Variants in TRPC6 observed in about 807,000 individuals in gnomAD.
The protein encoded by TRPC6 is transient receptor potential cation channel subfamily C member 6.
In TRPC6, 55 loss-of-function variants were observed where a neutral mutation model predicts 90.7. The ratio of observed to expected loss-of-function variants is 0.61; its 90% CI spans 0.49 to 0.76. TRPC6 has a LOEUF of 0.76. Among genes scored for constraint, TRPC6 ranks in the 30% least tolerant of loss-of-function variants. The pLI is 0.00. For missense variants in TRPC6, 989 were observed against 1,122.7 expected (o/e 0.88, Z 1.70); for synonymous variants, 393 against 393.0 (o/e 1.00, Z 0.00).
At chr11:101,453,848 A>G in intron 11 of TRPC6, 123 bp from the exon 12 acceptor site, 1 of 906,980 alleles carries the variant, frequency 1.1e-6, no homozygotes, top group South Asian at 1.4e-5. Flanking sequence ...GCTGTCAAGG[A>G]CTAAGATGAT....
At chr11:101,577,740 C>G (rs2136899970) in intron 1 of TRPC6, among the ~76,000 whole-genome samples, 1 of 152,226 alleles carries the variant, frequency 6.6e-6, no homozygotes, top group African/African-American at 2.4e-5. Flanking sequence ...GCAGTTATAG[C>G]CAGCCAGGAG....
intron 2 of TRPC6, among the ~76,000 whole-genome samples, chr11:101,492,616 G>C (rs1323332530): frequency 6.6e-6 from 1 of 152,016 alleles, no homozygotes; most frequent in Admixed American, 6.6e-5. Context: ...AAACTCACCT[G>C]TTGATTCGGA....
At chr11:101,527,678 A>G (rs1362288331) in intron 1 of TRPC6, among the ~76,000 whole-genome samples, 2 of 152,220 alleles carry the variant, frequency 1.3e-5, no homozygotes, top group Non-Finnish European at 2.9e-5. Flanking sequence ...ATTTGCAGAA[A>G]GACATTTTAA....
Position 101,521,865 on chromosome 11 carries a change from C to T in TRPC6, c.171-17067G>A, listed in dbSNP as rs529900794. On this transcript the variant is annotated intron_variant, in intron 1 of 12. Coordinates refer to ENST00000344327, the MANE Select transcript of TRPC6 (RefSeq NM_004621.6). Reference sequence around the variant, plus strand: ...TTTCAGACTTGTACAGGGCCTGTAACTCCTCCCTTTGGCTGATTTCTCCCC... The same window carrying T: ...TTTCAGACTTGTACAGGGCCTGTAATTCCTCCCTTTGGCTGATTTCTCCCC... Among the ~76,000 whole-genome samples the T allele has an allele frequency of 2.6e-5, 4 of 152,328 alleles. No individual in the cohort carries two copies. In the South Asian group the frequency reaches 8.3e-4, roughly 32 times the overall value.
At chr11:101,573,921 CGTGTGTGTGTGTGTGTGTGT>C (rs58766729) in intron 1 of TRPC6, among the ~76,000 whole-genome samples, 2 of 131,976 alleles carry the variant, frequency 1.5e-5, no homozygotes, top group African/African-American at 5.8e-5. Context: ...GAAACAAATA[CGTGTGTGTGTGTGTGTGTGT>C]GTGTGTGTGT....
rs1860196668 is a variant in TRPC6, at chr11:101,504,127, G to GCCAGGCCTTTATAGGCATT, written c.823_841dup (p.Ala281GlufsTer4). On this transcript the variant is annotated stop_gained and frameshift_variant, in exon 2 of 13. Transcript: ENST00000344327. LOFTEE classifies it high-confidence loss of function. ...AGACAATGACAGGTAAGCCGGACTT[G>GCCAGGCCTTTATAGGCATT]CCAGGCCTTTATAGGCATTAATCCT... 1 of 1,613,984 alleles carries GCCAGGCCTTTATAGGCATT rather than the reference G, an allele frequency of 6.2e-7. No homozygotes were observed. The highest frequency in any genetic ancestry group is 1.3e-5 in the African/African-American group (1 of 74,930).
intron 9 of TRPC6, among the ~76,000 whole-genome samples, chr11:101,470,380 A>C (rs1287373780): frequency 6.6e-6 from 1 of 152,210 alleles, no homozygotes; most frequent in East Asian, 1.9e-4. Flanking sequence ...TTTCAGAAGA[A>C]ACAGCCAGCT....
At chr11:101,572,459 A>G (rs751692629) in intron 1 of TRPC6, among the ~76,000 whole-genome samples, 1 of 152,208 alleles carries the variant, frequency 6.6e-6, no homozygotes, top group Non-Finnish European at 1.5e-5. Flanking sequence ...GGCAATCCTC[A>G]AGTGTCTAGA....
At chr11:101,554,009 T>C (rs1031896963) in intron 1 of TRPC6, among the ~76,000 whole-genome samples, 2 of 152,142 alleles carry the variant, frequency 1.3e-5, no homozygotes, top group African/African-American at 4.8e-5. Flanking sequence ...ATGCTAGAGG[T>C]ATGTGCAATG....
rs71056617 is a variant in TRPC6, at chr11:101,500,065, G to GTA, written c.945+3957_945+3958dup. Among the ~76,000 whole-genome samples, 110 of 43,284 alleles carry GTA rather than the reference G, an allele frequency of 2.5e-3. 23 individuals carry two copies. The highest frequency in any genetic ancestry group is 8.0e-3 in the East Asian group (26 of 3,234). 28.4% of individuals were successfully genotyped at this position (43,284 alleles called of 152,430 possible). Reference sequence around the variant, plus strand: ...TATACAATATAAAATATGTGTGTGTGTATATATATATATACACACACACAA... The same window carrying GTA: ...TATACAATATAAAATATGTGTGTGTGTATATATATATATATACACACACACAA... On this transcript the variant is annotated intron_variant, in intron 2 of 12. Transcript: ENST00000344327.
At chr11:101,532,012 G>A (rs567172543) in intron 1 of TRPC6, among the ~76,000 whole-genome samples, 35 of 152,336 alleles carry the variant, frequency 2.3e-4, no homozygotes, top group African/African-American at 8.4e-4. Flanking sequence ...CAGAGGCACA[G>A]TTAGATGGAC....
At chr11:101,477,056 T>TC (rs993583072) in intron 5 of TRPC6, among the ~76,000 whole-genome samples, 31 of 151,788 alleles carry the variant, frequency 2.0e-4, no homozygotes, top group Admixed American at 7.2e-4. Flanking sequence ...AGGCCGTGTC[T>TC]CCCCCCGGCT....
At chr11:101,475,682 A>T (rs1342097049) in intron 6 of TRPC6, among the ~76,000 whole-genome samples, 1 of 151,476 alleles carries the variant, frequency 6.6e-6, no homozygotes, top group East Asian at 1.9e-4. Context: ...TACTTCTTTG[A>T]GTTTGACTTT....
intron 1 of TRPC6, among the ~76,000 whole-genome samples, chr11:101,515,238 C>T (rs890897356): frequency 6.6e-6 from 1 of 152,200 alleles, no homozygotes; most frequent in African/African-American, 2.4e-5. Flanking sequence ...TCCTTTAATG[C>T]CAGCTGTTAC....
Position 101,554,274 on chromosome 11 carries a change from A to C in TRPC6, c.170+29060T>G, listed in dbSNP as rs144769274. Among the ~76,000 whole-genome samples, 71 of 152,270 alleles carry C rather than the reference A, an allele frequency of 4.7e-4. 3 individuals carry two copies. In the East Asian group the frequency reaches 0.014, roughly 29 times the overall value. On this transcript the variant is annotated intron_variant, in intron 1 of 12. Coordinates refer to ENST00000344327, the MANE Select transcript of TRPC6 (RefSeq NM_004621.6). The stretch of plus-strand genomic sequence containing the variant: ...TTGTTCCTTTTCACTTCTGCTTTTT[A>C]TTAAGAGGCCAGTAGTAGAGAAGCT...
intron 4 of TRPC6, among the ~76,000 whole-genome samples, chr11:101,484,626 T>TGTGTGC: frequency 6.6e-6 from 1 of 150,600 alleles, no homozygotes. Context: ...TGTGTGTGTG[T>TGTGTGC]GTGTGTGTGT....
chr11:101,515,078 A>G (rs987051690), intron 1 of TRPC6, among the ~76,000 whole-genome samples: 2 of 152,208 alleles, frequency 1.3e-5, no homozygotes, highest in African/African-American at 4.8e-5. Flanking sequence ...GAAATTGGTG[A>G]TTTGTGGAAT....
intron 1 of TRPC6, among the ~76,000 whole-genome samples, chr11:101,568,425 T>C (rs1861883000): frequency 6.6e-6 from 1 of 152,204 alleles, no homozygotes; most frequent in Non-Finnish European, 1.5e-5. Flanking sequence ...TGGAACCAAG[T>C]TGGAAAACAT....
In TRPC6 at chr11:101,499,637, GT is replaced by G. The variant is rs1388286006; in HGVS notation, c.945+4386del. Among the ~76,000 whole-genome samples the G allele has an allele frequency of 7.5e-3, 687 of 91,966 alleles. 14 individuals carry two copies. Among genetic ancestry groups the G allele is most frequent in the African/African-American group, 8.9e-3 (184 of 20,582 alleles). The allele number at this position is 91,966 out of a possible 152,430, so 60.3% of individuals were successfully genotyped here. ...TATATATACACACACAATATAAAAT[GT>G]GTATATATATATATACACAATATAA... On this transcript the variant is annotated intron_variant, in intron 2 of 12. Transcript: ENST00000344327.
Sources: gnomAD v4.1 joint callset for allele counts (sites outside exome capture counted in the v4.1 genomes callset) on GRCh38, gnomAD v4.1.1 for gene constraint, MANE v1.5 for transcripts, NCBI Gene and HGNC (gene_info 2026-07-23, HGNC 2026-07-21) for gene names.